The following GRM1 variants were observed in gnomAD, a reference collection of about 807,000 sequenced individuals.
GRM1 encodes glutamate metabotropic receptor 1, also known as metabotropic glutamate receptor 1.
In GRM1, 33 loss-of-function variants were observed where a neutral mutation model predicts 90.9. The observed-to-expected ratio is 0.36, with a 90% CI of 0.28 to 0.49. The LOEUF is 0.49. GRM1 is among the 20% of genes least tolerant of loss of function. The pLI, the probability that GRM1 is intolerant of heterozygous loss-of-function variation, is 0.99. For synonymous variants in GRM1, 700 were observed against 613.2 expected, an observed-to-expected ratio of 1.14 and a Z score of -2.09; for missense variants, 1,190 against 1,534.3, an observed-to-expected ratio of 0.78 and a Z score of 3.75.
At chr6:146,368,676 C>T (rs1325034053) in intron 5 of GRM1, among the ~76,000 whole-genome samples, 1 of 151,852 alleles carries the variant, frequency 6.6e-6, no homozygotes, top group African/African-American at 2.4e-5. Flanking sequence ...ATTAAACCAT[C>T]CTTGAATCCC....
intron 2 of GRM1, among the ~76,000 whole-genome samples, chr6:146,268,204 A>AT (rs1245215204): frequency 6.6e-6 from 1 of 152,210 alleles, no homozygotes; most frequent in Admixed American, 6.5e-5. Flanking sequence ...GGTGTAAGTA[A>AT]TTGACACACA....
At chr6:146,138,133 T>C (rs1344062732) in intron 1 of GRM1, among the ~76,000 whole-genome samples, 2 of 152,200 alleles carry the variant, frequency 1.3e-5, no homozygotes, top group African/African-American at 4.8e-5. Context: ...CCTTTTCAAT[T>C]TGGATGCCTT....
At chr6:146,417,504 T>C (rs1306794953) in intron 7 of GRM1, among the ~76,000 whole-genome samples, 1 of 152,184 alleles carries the variant, frequency 6.6e-6, no homozygotes. Flanking sequence ...GTGATTACAC[T>C]TGTAATACTA....
intron 2 of GRM1, among the ~76,000 whole-genome samples, chr6:146,184,177 T>C (rs1052746342): frequency 6.6e-6 from 1 of 152,190 alleles, no homozygotes; most frequent in Non-Finnish European, 1.5e-5. Flanking sequence ...ACTTGGTTTT[T>C]CCCTAACTTG....
chr6:146,344,841 C>A (rs1175821114), intron 3 of GRM1, among the ~76,000 whole-genome samples: 1 of 151,384 alleles, frequency 6.6e-6, no homozygotes, highest in East Asian at 1.9e-4. Flanking sequence ...GACGGAGTTT[C>A]ACTCTTGTTG....
chr6:146,190,530 G>A (rs1449958475), intron 2 of GRM1, among the ~76,000 whole-genome samples: 1 of 152,136 alleles, frequency 6.6e-6, no homozygotes, highest in African/African-American at 2.4e-5. Flanking sequence ...ACGAATTCAG[G>A]AGGAGCAGCT....
intron 1 of GRM1, among the ~76,000 whole-genome samples, chr6:146,118,372 C>G (rs1435011269): frequency 6.6e-6 from 1 of 152,180 alleles, no homozygotes; most frequent in African/African-American, 2.4e-5. Context: ...ATCTCCTGAT[C>G]TCGTGATCCA....
chr6:146,380,499 G>A (rs1277420535), intron 5 of GRM1, among the ~76,000 whole-genome samples: 1 of 152,140 alleles, frequency 6.6e-6, no homozygotes, highest in Admixed American at 6.6e-5. Flanking sequence ...AAGTCAGCTT[G>A]TGGTAAATGC....
intron 3 of GRM1, among the ~76,000 whole-genome samples, chr6:146,323,926 G>C (rs1264277744): frequency 1.3e-5 from 2 of 152,112 alleles, no homozygotes; most frequent in Middle Eastern, 3.2e-3. Flanking sequence ...ATTTCTGAGG[G>C]CTCTGTTCTG....
At chr6:146,055,630 G>T (rs1205331144) in intron 1 of GRM1, among the ~76,000 whole-genome samples, 1 of 152,088 alleles carries the variant, frequency 6.6e-6, no homozygotes, top group Non-Finnish European at 1.5e-5. Context: ...GAATTGAAGG[G>T]CTGGGGAGGT....
chr6:146,254,953 A>G (rs1314745700), intron 2 of GRM1, among the ~76,000 whole-genome samples: 3 of 152,218 alleles, frequency 2.0e-5, no homozygotes, highest in African/African-American at 7.2e-5. Flanking sequence ...AGTTTCCTGA[A>G]GAATAGAGTT....
At chr6:146,212,948 A>G (rs1008474337) in intron 2 of GRM1, among the ~76,000 whole-genome samples, 4 of 152,170 alleles carry the variant, frequency 2.6e-5, no homozygotes, top group Non-Finnish European at 5.9e-5. Flanking sequence ...ACTACATGCT[A>G]GACTTGATGC....
At position 146,428,217 on chromosome 6, in the gene GRM1, TC is replaced by T. The variant is rs533666737; in HGVS notation, c.2661-5653del. On this transcript the variant is annotated intron_variant, in intron 7 of 7. Coordinates refer to ENST00000282753, the MANE Select transcript of GRM1 (RefSeq NM_001278064.2). Reference sequence around the variant, plus strand: ...ACTGGATATTTTTAGCCATGGTTGTTCCTGTTAAATTTTTTTTTAAAGATAT... The same window carrying T: ...ACTGGATATTTTTAGCCATGGTTGTTCTGTTAAATTTTTTTTTAAAGATAT... Among the ~76,000 whole-genome samples the T allele has an allele frequency of 6.4e-4, 98 of 152,264 alleles. 1 individual carries two copies. Among genetic ancestry groups the T allele is most frequent in the African/African-American group, 2.3e-3 (94 of 41,534 alleles).
At chr6:146,269,503 T>C (rs1411690628) in intron 2 of GRM1, among the ~76,000 whole-genome samples, 1 of 152,154 alleles carries the variant, frequency 6.6e-6, no homozygotes, top group Non-Finnish European at 1.5e-5. Flanking sequence ...AGAAGACAAT[T>C]ACCAAGATGT....
At chr6:146,259,814 C>A (rs1428513134) in intron 2 of GRM1, among the ~76,000 whole-genome samples, 1 of 151,870 alleles carries the variant, frequency 6.6e-6, no homozygotes, top group Non-Finnish European at 1.5e-5. Flanking sequence ...GGATATATAA[C>A]CAAAGGTGGA....
chr6:146,194,891 C>G (rs1779061462), intron 2 of GRM1, among the ~76,000 whole-genome samples: 1 of 152,204 alleles, frequency 6.6e-6, no homozygotes, highest in South Asian at 2.1e-4. Context: ...GGTTCAAATT[C>G]TGACTCTGCC....
Position 146,365,965 on chromosome 6 carries a change from C to T in GRM1, c.1602+8271C>T, listed in dbSNP as rs182426598. 7.3e-4 allele frequency among the ~76,000 whole-genome samples: 111 copies of T among 152,272 alleles called. 1 individual carries two copies. The highest frequency in any genetic ancestry group is 1.1e-3 in the Non-Finnish European group (77 of 68,020). On this transcript the variant is annotated intron_variant, in intron 5 of 7. Coordinates refer to ENST00000282753, the MANE Select transcript of GRM1 (RefSeq NM_001278064.2). ...TGGTCCCTGGACATTTCCCTTGCCT[C>T]ATCTTGGTTTCTCCCCTGTGACCTA...
At chr6:146,264,907 A>G (rs1781825126) in intron 2 of GRM1, among the ~76,000 whole-genome samples, 1 of 152,172 alleles carries the variant, frequency 6.6e-6, no homozygotes, top group African/African-American at 2.4e-5. Flanking sequence ...TGGTATATAC[A>G]TCCCTCATTT....
chr6:146,045,968 G>A lies in GRM1; in HGVS notation c.700+15751G>A, dbSNP rs57779169. ...CCCTCTCTTCCTTTTACACTTTAGC[G>A]CCCGTGGGCAGCAAGAGGTGTACTG... is the stretch of plus-strand genomic sequence containing the variant. On this transcript the variant is annotated intron_variant, in intron 1 of 7. Transcript: ENST00000282753. Among the ~76,000 whole-genome samples the A allele has an allele frequency of 1.0e-2, 1,514 of 151,690 alleles. 20 individuals are homozygous for A. Among genetic ancestry groups the A allele is most frequent in the African/African-American group, 0.035 (1,437 of 41,370 alleles).
Sources: gnomAD v4.1 joint callset for allele counts (sites outside exome capture counted in the v4.1 genomes callset) on GRCh38, gnomAD v4.1.1 for gene constraint, MANE v1.5 for transcripts, NCBI Gene and HGNC (gene_info 2026-07-23, HGNC 2026-07-21) for gene names.